APOA5: variants seen among roughly 807,000 people sequenced by gnomAD.
The protein encoded by APOA5 is apolipoprotein A-V.
Under a neutral mutation model 31.8 loss-of-function variants are expected in APOA5, and 26 were observed. That is an observed-to-expected ratio of 0.82 (90% CI 0.60 to 1.13). The LOEUF (loss-of-function observed/expected upper bound fraction) is 1.13. APOA5 is among the 50% of genes most tolerant of loss of function. The pLI is 0.00. For synonymous variants in APOA5, 186 were observed against 198.5 expected, an observed-to-expected ratio of 0.94 and a Z score of 0.53; for missense variants, 450 against 488.0, an observed-to-expected ratio of 0.92 and a Z score of 0.73.
upstream of APOA5, chr11:116,792,252 C>T (rs1941026483): frequency 2.1e-5 from 7 of 332,174 alleles, no homozygotes; most frequent in Admixed American, 2.2e-4. Context: ...ATAATGAGGG[C>T]GAAGAGGCAA....
At position 116,791,690 on chromosome 11, in the gene APOA5, C is replaced by A. The variant is rs537146220; in HGVS notation, c.57G>T (p.Ser19=). Residue 19 remains serine, a synonymous_variant, in exon 2 of 3, where the codon TCG becomes TCT. Coordinates refer to ENST00000227665, the MANE Select transcript of APOA5 (RefSeq NM_001371904.1). ...AGAAGCCTTTCCGTGCCTGGGTGGC[C>A]GAAAACGCTGTGGAGAGGGACTAGG... is the stretch of plus-strand genomic sequence containing the variant. The part of the protein sequence containing the change: ...TWALALLSAF[S]ATQARKGFWD... 6.2e-7 allele frequency: 1 copy of A among 1,608,710 alleles called. No homozygotes were observed. The highest frequency in any genetic ancestry group is 1.7e-5 in the Admixed American group (1 of 59,242).
Position 116,791,582 on chromosome 11 carries a change from TCA to T in APOA5, c.161+2_161+3del. ...CGCCTACACCCCTTCCCCTGGGCAC[TCA>T]CGCGGGCTCGCGAGCCATCTTCTGC... On this transcript the variant is annotated splice_donor_variant and splice_donor_region_variant and intron_variant, in intron 2 of 2. Transcript: ENST00000227665. LOFTEE classifies it high-confidence loss of function. The T allele has an allele frequency of 1.3e-6, 2 of 1,594,406 alleles. No individual in the cohort carries two copies. Among genetic ancestry groups the T allele is most frequent in the Non-Finnish European group, 1.7e-6 (2 of 1,171,244 alleles).
At position 116,790,774 on chromosome 11, in the gene APOA5, C is replaced by A; in HGVS notation, c.455G>T (p.Arg152Leu). ...LRVQELQEQL[R>L]VVGEDTKAQL... is the part of the protein sequence containing the mutation. ...GGCCTTGGTGTCTTCCCCCACCACG[C>A]GCAACTGCTCCTGCAGCTCCTGCAC... The change falls in exon 3 of 3, where the codon CGC becomes CTC. Residue 152 changes from arginine (R) to leucine (L), a missense_variant. Physicochemically the swap from Arg to Leu is moderately radical, Grantham distance 102 (BLOSUM62 -2). Transcript: ENST00000227665. 1.2e-6 allele frequency: 2 copies of A among 1,613,454 alleles called. No homozygotes were observed.
In APOA5 at chr11:116,791,806, AC is replaced by A; in HGVS notation, c.49+5del. ...CCCCACGTTGAAGTCAGGGTCGGAGACCCACCTGAAAGAAGAGCCAGAGCCC... is the reference window on the plus strand; with the variant it reads ...CCCCACGTTGAAGTCAGGGTCGGAGACCACCTGAAAGAAGAGCCAGAGCCC... On this transcript the variant is annotated splice_donor_5th_base_variant and intron_variant, in intron 1 of 2. Transcript: ENST00000227665. The A allele has an allele frequency of 6.2e-7, 1 of 1,614,118 alleles. No homozygotes were observed. Among genetic ancestry groups the A allele is most frequent in the Non-Finnish European group, 8.5e-7 (1 of 1,180,034 alleles).
chr11:116,790,605 C>T lies in APOA5; in HGVS notation c.624G>A (p.Glu208=), dbSNP rs955938541. 12 of 1,606,696 alleles carry T rather than the reference C, an allele frequency of 7.5e-6. No individual in the cohort carries two copies. The African/African-American group carries it at 1.5e-4, about 20-fold the overall frequency. The change falls in exon 3 of 3, where the codon GAG becomes GAA. Residue 208 remains glutamate (E), a synonymous_variant. Coordinates refer to ENST00000227665, the MANE Select transcript of APOA5 (RefSeq NM_001371904.1). ...LVSGIGRHVQ[E]LHRSVAPHAP... ...CGTGCGGAGCCACACTGCGGTGCAG[C>T]TCCTGCACGTGGCGCCCGATGCCGC...
upstream of APOA5, chr11:116,792,262 A>G: frequency 6.4e-6 from 2 of 313,674 alleles, no homozygotes; most frequent in South Asian, 6.0e-5. Flanking sequence ...CGAAGAGGCA[A>G]CTCTGCCAAA....
Position 116,790,694 on chromosome 11 carries a change from G to C in APOA5, c.535C>G (p.Arg179Gly). Reference protein sequence around the residue: ...AWALLQGLQSRVVHHTGRFKE... With the variant: ...AWALLQGLQSGVVHHTGRFKE... ...AAGCGGCCGGTGTGGTGCACCACGC[G>C]GCTCTGCAGTCCCTGCAGCAAAGCC... Residue 179 changes from arginine to glycine, a missense_variant, in exon 3 of 3, where the codon CGC (arginine) becomes GGC (glycine). Physicochemically the swap from Arg to Gly is moderately radical, Grantham distance 125. Coordinates refer to ENST00000227665, the MANE Select transcript of APOA5 (RefSeq NM_001371904.1). 1 of 1,612,660 alleles carries C rather than the reference G, an allele frequency of 6.2e-7. No homozygotes were observed. The highest frequency in any genetic ancestry group is 8.5e-7 in the Non-Finnish European group (1 of 1,179,922).
In APOA5 at chr11:116,789,880, T is replaced by C; in HGVS notation, c.*248A>G. ...CCTCACCCTTGAATGGAGTAACTCA[T>C]GAGCATTCCCAAATGAGCACTGGGA... is the stretch of plus-strand genomic sequence containing the variant. On this transcript the variant is annotated 3_prime_UTR_variant, in exon 3 of 3. Coordinates refer to ENST00000227665, the MANE Select transcript of APOA5 (RefSeq NM_001371904.1). 1 of 585,392 alleles carries C rather than the reference T, an allele frequency of 1.7e-6. No homozygotes were observed. Among genetic ancestry groups the C allele is most frequent in the Non-Finnish European group, 3.1e-6 (1 of 327,218 alleles). The allele number at this position is 585,392 out of a possible 1,614,324, so 36.3% of individuals were successfully genotyped here. A position where few individuals can be genotyped will look rare whatever the true frequency, so the allele number is the denominator to read the frequency against.
In APOA5 at chr11:116,789,830, G is replaced by A; in HGVS notation, c.*298C>T. ...CAGGCTTGCAGATAATCACCCACAT[G>A]CATGGTGCCTCTCCCTCCCTACTCC... On this transcript the variant is annotated 3_prime_UTR_variant, in exon 3 of 3. Coordinates refer to ENST00000227665, the MANE Select transcript of APOA5 (RefSeq NM_001371904.1). 2 of 491,880 alleles carry A rather than the reference G, an allele frequency of 4.1e-6. No homozygotes were observed. Among genetic ancestry groups the A allele is most frequent in the Non-Finnish European group, 7.4e-6 (2 of 268,758 alleles). The allele number at this position is 491,880 out of a possible 1,614,324, so 30.5% of individuals were successfully genotyped here.
chr11:116,791,471 C>G, intron 2 of APOA5, 115 bp downstream of exon 2: 1 of 1,118,332 alleles, frequency 8.9e-7, no homozygotes, highest in East Asian at 2.6e-5. Context: ...GCTAGCACCG[C>G]TCCTTTCCTC....
rs1940995880 is a variant in APOA5 at position 116,790,841 on chromosome 11, T to C, written c.388A>G (p.Lys130Glu). The change falls in exon 3 of 3, where the codon AAG becomes GAG. Residue 130 changes from lysine (K) to glutamate (E), a missense_variant. By Grantham distance (56) the Lys-to-Glu change is moderately conservative. Transcript: ENST00000227665. The stretch of plus-strand genomic sequence containing the variant: ...TCCATCAGATCCATCGTGTAGGGCT[T>C]CAGTTGCTGCCGCAAGCCCTCCAAA... ...WNLEGLRQQL[K>E]PYTMDLMEQV... 1 of 1,613,440 alleles carries C rather than the reference T, an allele frequency of 6.2e-7. No homozygotes were observed. Among genetic ancestry groups the C allele is most frequent in the African/African-American group, 1.3e-5 (1 of 74,834 alleles).
Position 116,791,648 on chromosome 11 carries a change from C to G in APOA5, c.99G>C (p.Gln33His). Reference protein sequence around the residue: ...ARKGFWDYFSQTSGDKGRVEQ... With the variant: ...ARKGFWDYFSHTSGDKGRVEQ... ...CCACCCTGCCTTTGTCCCCGCTGGTCTGGCTGAAGTAGTCCCAGAAGCCTT... is the reference window on the plus strand; with the variant it reads ...CCACCCTGCCTTTGTCCCCGCTGGTGTGGCTGAAGTAGTCCCAGAAGCCTT... The change falls in exon 2 of 3, where the codon CAG (glutamine) becomes CAC (histidine). Residue 33 changes from glutamine (Q) to histidine (H), a missense_variant. By Grantham distance (24) the Gln-to-His change is conservative. Coordinates refer to ENST00000227665, the MANE Select transcript of APOA5 (RefSeq NM_001371904.1). The G allele has an allele frequency of 6.2e-7, 1 of 1,610,806 alleles. No homozygotes were observed. Among genetic ancestry groups the G allele is most frequent in the African/African-American group, 1.3e-5 (1 of 74,980 alleles).
chr11:116,791,928 G>T (rs1044947164), upstream of APOA5: 47 of 1,570,758 alleles, frequency 3.0e-5, no homozygotes, highest in Non-Finnish European at 3.8e-5. Flanking sequence ...GGGACATGGC[G>T]CAGGGGACTT....
rs148778842 is a variant in APOA5, at chr11:116,791,628, C to A, written c.119G>T (p.Arg40Met). 1.2e-4 allele frequency: 188 copies of A among 1,609,838 alleles called. No individual in the cohort carries two copies. The African/African-American group carries it at 2.1e-3, about 18-fold the overall frequency. ...YFSQTSGDKG[R>M]VEQIHQQKMA... Reference sequence around the variant, plus strand: ...CTTCTGCTGATGGATCTGCTCCACCCTGCCTTTGTCCCCGCTGGTCTGGCT... The same window carrying A: ...CTTCTGCTGATGGATCTGCTCCACCATGCCTTTGTCCCCGCTGGTCTGGCT... The change falls in exon 2 of 3, where the codon AGG (arginine) becomes ATG (methionine). Residue 40 changes from arginine (R) to methionine (M), a missense_variant. Coordinates refer to ENST00000227665, the MANE Select transcript of APOA5 (RefSeq NM_001371904.1).
rs1940952561 is a variant in APOA5, at chr11:116,789,492, A to G, written c.*636T>C. ...CCCAGAGGGTTTAAGGAGCTCCCAC[A>G]GTTGGGAGGGTTCAGTCCCTTATTT... On this transcript the variant is annotated 3_prime_UTR_variant, in exon 3 of 3. Transcript: ENST00000227665. 1 of 161,496 alleles carries G rather than the reference A, an allele frequency of 6.2e-6. No homozygotes were observed. Among genetic ancestry groups the G allele is most frequent in the Non-Finnish European group, 1.4e-5 (1 of 72,916 alleles). 10.0% of individuals were successfully genotyped at this position (161,496 alleles called of 1,614,324 possible). A position where few individuals can be genotyped will look rare whatever the true frequency, so the allele number is the denominator to read the frequency against.
intron 2 of APOA5, 154 bp downstream of exon 2, chr11:116,791,432 G>T: frequency 1.2e-6 from 1 of 867,068 alleles, no homozygotes; most frequent in Non-Finnish European, 1.9e-6. Flanking sequence ...GCGCTAAAGA[G>T]CCCAGGATGG....
rs959640479 is a variant in APOA5, at chr11:116,789,808, G to C, written c.*320C>G. On this transcript the variant is annotated 3_prime_UTR_variant, in exon 3 of 3. Coordinates refer to ENST00000227665, the MANE Select transcript of APOA5 (RefSeq NM_001371904.1). ...AGGCTTCCAGCATCACGGCAAACAG[G>C]CTTGCAGATAATCACCCACATGCAT... 4 of 443,672 alleles carry C rather than the reference G, an allele frequency of 9.0e-6. No homozygotes were observed. Among genetic ancestry groups the C allele is most frequent in the Non-Finnish European group, 1.3e-5 (3 of 238,568 alleles). 27.5% of individuals were successfully genotyped at this position (443,672 alleles called of 1,614,324 possible).
At chr11:116,791,423 C>T (rs1941009126) in intron 2 of APOA5, 163 bp downstream of exon 2, 3 of 813,294 alleles carry the variant, frequency 3.7e-6, no homozygotes, top group Admixed American at 4.0e-5. Context: ...AGGCAGAGGG[C>T]GCTAAAGAGC....
chr11:116,790,518 G>T lies in APOA5; in HGVS notation c.711C>A (p.Leu237=). The change falls in exon 3 of 3, where the codon CTC becomes CTA. Residue 237 remains leucine, a synonymous_variant. Coordinates refer to ENST00000227665, the MANE Select transcript of APOA5 (RefSeq NM_001371904.1). The part of the protein sequence containing the change: ...CVQVLSRKLT[L]KAKALHARIQ... ...TGCGTGCGTGCAGGGCCTTGGCCTTGAGCGTGAGCTTCCGGGAGAGCACCT... is the reference window on the plus strand; with the variant it reads ...TGCGTGCGTGCAGGGCCTTGGCCTTTAGCGTGAGCTTCCGGGAGAGCACCT... 6.3e-7 allele frequency: 1 copy of T among 1,599,188 alleles called. No individual in the cohort carries two copies. Among genetic ancestry groups the T allele is most frequent in the South Asian group, 1.1e-5 (1 of 90,994 alleles).
Sources: allele counts gnomAD v4.1 joint callset, GRCh38; gene constraint gnomAD v4.1.1; transcripts MANE v1.5; gene names NCBI Gene and HGNC (gene_info 2026-07-23, HGNC 2026-07-21).